Variants in SLIT3 observed in about 807,000 individuals in gnomAD.
SLIT3 encodes the protein slit homolog 3 protein.
SLIT3 carries 68 observed loss-of-function variants against 184.0 expected under a neutral mutation model. The ratio of observed to expected loss-of-function variants is 0.37; its 90% CI spans 0.30 to 0.45. SLIT3 has a LOEUF of 0.45. Among genes scored for constraint, SLIT3 ranks in the 20% least tolerant of loss-of-function variants. The probability of loss-of-function intolerance (pLI) is 1.00; values close to 1 mark genes in which losing one functional copy is unlikely to be tolerated. For synonymous variants in SLIT3, 831 were observed against 828.6 expected, an observed-to-expected ratio of 1.00 and a Z score of -0.05; for missense variants, 1,707 against 2,026.0, an observed-to-expected ratio of 0.84 and a Z score of 3.02.
intron 4 of SLIT3, among the ~76,000 whole-genome samples, chr5:169,000,657 C>T (rs950845771): frequency 5.9e-5 from 9 of 151,996 alleles, no homozygotes; most frequent in Non-Finnish European, 8.8e-5. Flanking sequence ...CAGAGTTGAA[C>T]GTGATAGATC....
chr5:168,693,817 G>A (rs898136063), intron 28 of SLIT3, among the ~76,000 whole-genome samples: 1 of 152,152 alleles, frequency 6.6e-6, no homozygotes, highest in Non-Finnish European at 1.5e-5. Context: ...TCCTGGGAGG[G>A]AGCACTGAAC....
intron 6 of SLIT3, among the ~76,000 whole-genome samples, chr5:168,825,438 C>A (rs1192866613): frequency 1.3e-5 from 2 of 152,164 alleles, no homozygotes; most frequent in Admixed American, 6.5e-5. Flanking sequence ...GGCACAGAAC[C>A]TAATTCTTCT....
chr5:168,815,643 G>A (rs1282532066), intron 8 of SLIT3, among the ~76,000 whole-genome samples: 1 of 152,198 alleles, frequency 6.6e-6, no homozygotes, highest in Non-Finnish European at 1.5e-5. Flanking sequence ...TACTGCTTGA[G>A]ACATGTTAAA....
chr5:169,247,538 G>A (rs906988269), intron 2 of SLIT3, among the ~76,000 whole-genome samples: 3 of 152,180 alleles, frequency 2.0e-5, no homozygotes, highest in Non-Finnish European at 4.4e-5. Flanking sequence ...CTGTGCTAAT[G>A]AATCTAACAC....
intron 29 of SLIT3, among the ~76,000 whole-genome samples, chr5:168,688,727 T>C (rs744544): frequency 0.08 from 12,206 of 152,282 alleles, 985 homozygotes; most frequent in Admixed American, 0.21. Flanking sequence ...ACCAGTCTTT[T>C]AAGGAAACAC....
At chr5:169,132,214 G>A (rs932316027) in intron 4 of SLIT3, among the ~76,000 whole-genome samples, 2 of 152,174 alleles carry the variant, frequency 1.3e-5, no homozygotes, top group Non-Finnish European at 2.9e-5. Context: ...AAGAAATAGA[G>A]AGGTATGACA....
chr5:168,926,704 ACTTTTCT>A (rs1225091914), intron 4 of SLIT3, among the ~76,000 whole-genome samples: 2 of 73,868 alleles, frequency 2.7e-5, no homozygotes, highest in African/African-American at 1.7e-4. Flanking sequence ...ACTTGGATAG[ACTTTTCT>A]ACGAAGAAGA....
chr5:168,717,293 G>C (rs954838683), intron 23 of SLIT3, among the ~76,000 whole-genome samples: 1 of 142,118 alleles, frequency 7.0e-6, no homozygotes, highest in African/African-American at 2.7e-5. Context: ...CAAGGCAGAG[G>C]GTGACTAAGA....
At chr5:169,180,329 AG>A (rs1350434312) in intron 4 of SLIT3, among the ~76,000 whole-genome samples, 1 of 152,236 alleles carries the variant, frequency 6.6e-6, no homozygotes. Context: ...GACAAGTACC[AG>A]GGGTCAGATG....
At chr5:168,857,392 T>C (rs1174458209) in intron 5 of SLIT3, among the ~76,000 whole-genome samples, 1 of 152,118 alleles carries the variant, frequency 6.6e-6, no homozygotes, top group African/African-American at 2.4e-5. Context: ...TGTTTTGTTT[T>C]GTTTTGTTTT....
intron 4 of SLIT3, among the ~76,000 whole-genome samples, chr5:168,894,880 G>C (rs1760607921): frequency 6.6e-6 from 1 of 152,196 alleles, no homozygotes; most frequent in African/African-American, 2.4e-5. Flanking sequence ...TACAGAAGGA[G>C]ATACTTTAAG....
At position 168,684,076 on chromosome 5, in the gene SLIT3, G is replaced by A. The variant is rs369562472; in HGVS notation, c.3576C>T (p.Asn1192=). ...TGTCTCCTTTGTAGAGAAGGATGCC[G>A]TTGTCCTTGTCAGTGGCCACCTGGA... ...ISLQVATDKD[N]GILLYKGDND... Residue 1192 remains asparagine, a synonymous_variant, in exon 32 of 36, where the codon AAC becomes AAT. Coordinates refer to ENST00000519560, the MANE Select transcript of SLIT3 (RefSeq NM_003062.4). 2.6e-5 allele frequency: 41 copies of A among 1,602,602 alleles called. No homozygotes were observed. The highest frequency in any genetic ancestry group is 3.3e-4 in the Middle Eastern group (2 of 6,034).
intron 5 of SLIT3, among the ~76,000 whole-genome samples, chr5:168,878,202 T>C (rs1226000361): frequency 6.6e-6 from 1 of 152,210 alleles, no homozygotes; most frequent in Non-Finnish European, 1.5e-5. Context: ...TCTAGGCAAG[T>C]AGTGGAGAAT....
chr5:168,775,636 C>T (rs4867903), intron 12 of SLIT3, among the ~76,000 whole-genome samples: 24,192 of 152,108 alleles, frequency 0.16, 2,040 homozygotes, highest in Non-Finnish European at 0.17. Context: ...CAATGACAGC[C>T]ATTTTATTCC....
intron 14 of SLIT3, among the ~76,000 whole-genome samples, chr5:168,771,981 T>C (rs963732198): frequency 1.3e-5 from 2 of 148,436 alleles, no homozygotes; most frequent in African/African-American, 5.1e-5. Flanking sequence ...CAATGCAGTT[T>C]GGTGATTTTT....
intron 4 of SLIT3, among the ~76,000 whole-genome samples, chr5:168,902,429 A>T (rs1003066973): frequency 6.6e-6 from 1 of 152,200 alleles, no homozygotes; most frequent in Non-Finnish European, 1.5e-5. Flanking sequence ...TGTTTGTATG[A>T]TGGGAATATG....
intron 4 of SLIT3, among the ~76,000 whole-genome samples, chr5:169,161,053 C>T (rs1345889414): frequency 6.6e-6 from 1 of 152,166 alleles, no homozygotes; most frequent in Admixed American, 6.5e-5. Context: ...ATTTTTCTAG[C>T]TTCTCTCTCA....
intron 4 of SLIT3, among the ~76,000 whole-genome samples, chr5:169,171,629 G>T (rs980982052): frequency 6.6e-6 from 1 of 152,248 alleles, no homozygotes; most frequent in Non-Finnish European, 1.5e-5. Flanking sequence ...TCAGTCCTGA[G>T]AAACAGGATG....
intron 6 of SLIT3, among the ~76,000 whole-genome samples, chr5:168,833,706 C>T (rs904501577): frequency 2.6e-5 from 4 of 152,198 alleles, no homozygotes; most frequent in Non-Finnish European, 4.4e-5. Flanking sequence ...AATATAGGGG[C>T]AAGCAGACAG....
Sources: gnomAD v4.1 joint callset for allele counts (sites outside exome capture counted in the v4.1 genomes callset) on GRCh38, gnomAD v4.1.1 for gene constraint, MANE v1.5 for transcripts, NCBI Gene and HGNC (gene_info 2026-07-23, HGNC 2026-07-21) for gene names.